SPIDR: variants seen among roughly 807,000 people sequenced by gnomAD.
SPIDR encodes DNA repair-scaffolding protein.
SPIDR carries 93 observed loss-of-function variants against 104.6 expected under a neutral mutation model. That is an observed-to-expected ratio of 0.89 (90% CI 0.75 to 1.06). The LOEUF (loss-of-function observed/expected upper bound fraction) is 1.06. Among genes scored for constraint, SPIDR ranks in the 50% least tolerant of loss-of-function variants. The probability of loss-of-function intolerance (pLI) is 0.00; values close to 1 mark genes in which losing one functional copy is unlikely to be tolerated. For synonymous variants in SPIDR, 431 were observed against 416.9 expected, an observed-to-expected ratio of 1.03 and a Z score of -0.41; for missense variants, 1,154 against 1,111.2, an observed-to-expected ratio of 1.04 and a Z score of -0.55.
chr8:47,633,538 G>C (rs1260906246), intron 10 of SPIDR, among the ~76,000 whole-genome samples: 1 of 136,284 alleles, frequency 7.3e-6, no homozygotes, highest in Non-Finnish European at 1.5e-5. Context: ...TCTTTTTGAA[G>C]ACTAGATATG....
chr8:47,319,113 A>G (rs538136549), intron 5 of SPIDR, among the ~76,000 whole-genome samples: 1 of 152,310 alleles, frequency 6.6e-6, no homozygotes, highest in East Asian at 1.9e-4. Flanking sequence ...TTAAATGTAA[A>G]TGGGCTAAAT....
Position 47,494,032 on chromosome 8 carries a change from A to G in SPIDR, c.1097+53490A>G, listed in dbSNP as rs971469536. Among the ~76,000 whole-genome samples the G allele has an allele frequency of 1.2e-4, 19 of 152,064 alleles. No individual in the cohort carries two copies. The East Asian group carries it at 1.9e-3, about 15-fold the overall frequency. ...CTTTTCTCCTTCCCCTCACCTCCCC[A>G]GGCTGGAATGCAGTGGCACAGTTAT... On this transcript the variant is annotated intron_variant, in intron 8 of 19. Transcript: ENST00000297423.
chr8:47,438,275 TG>T (rs1222122325), intron 7 of SPIDR, among the ~76,000 whole-genome samples: 1 of 152,166 alleles, frequency 6.6e-6, no homozygotes, highest in African/African-American at 2.4e-5. Flanking sequence ...GTTTCAGGCC[TG>T]TGCATTGCTG....
At chr8:47,641,397 T>C (rs540973140) in intron 10 of SPIDR, among the ~76,000 whole-genome samples, 136 of 152,302 alleles carry the variant, frequency 8.9e-4, no homozygotes, top group Non-Finnish European at 9.4e-4. Context: ...TTTTTGAATA[T>C]TTTTTATTTC....
chr8:47,693,741 C>T (rs554554113), intron 11 of SPIDR, among the ~76,000 whole-genome samples: 7 of 152,146 alleles, frequency 4.6e-5, no homozygotes, highest in Non-Finnish European at 1.0e-4. Flanking sequence ...GGGGCAGAGG[C>T]GCCTCAGAGT....
intron 5 of SPIDR, among the ~76,000 whole-genome samples, chr8:47,369,851 C>T (rs2057744883): frequency 6.6e-6 from 1 of 152,122 alleles, no homozygotes; most frequent in Non-Finnish European, 1.5e-5. Context: ...GCTGTTTTCC[C>T]TTATAGTCCT....
intron 8 of SPIDR, among the ~76,000 whole-genome samples, chr8:47,474,319 A>G (rs2076053471): frequency 6.6e-6 from 1 of 152,212 alleles, no homozygotes; most frequent in African/African-American, 2.4e-5. Flanking sequence ...CAGAAGTAGT[A>G]TTTTGAAAAT....
At chr8:47,363,685 T>A (rs190110552) in intron 5 of SPIDR, among the ~76,000 whole-genome samples, 101 of 151,712 alleles carry the variant, frequency 6.7e-4, no homozygotes, top group African/African-American at 1.9e-3. Flanking sequence ...AATGATATTT[T>A]AAAAAAAATA....
At chr8:47,699,992 C>G (rs896936667) in intron 11 of SPIDR, among the ~76,000 whole-genome samples, 4 of 152,220 alleles carry the variant, frequency 2.6e-5, no homozygotes, top group African/African-American at 4.8e-5. Flanking sequence ...AGGCTTCAGT[C>G]TTTTCCTTTG....
At chr8:47,375,233 C>CTTTTTTTTTT (rs869038432) in intron 5 of SPIDR, among the ~76,000 whole-genome samples, 1 of 53,346 alleles carries the variant, frequency 1.9e-5, no homozygotes, top group Non-Finnish European at 3.5e-5. Context: ...AGTTAATAGG[C>CTTTTTTTTTT]TTTTTTTTTT....
At chr8:47,577,661 T>C (rs1262132275) in intron 8 of SPIDR, among the ~76,000 whole-genome samples, 3 of 152,220 alleles carry the variant, frequency 2.0e-5, no homozygotes, top group African/African-American at 4.8e-5. Flanking sequence ...AGCAATCCCT[T>C]GTAGACATCT....
intron 5 of SPIDR, among the ~76,000 whole-genome samples, chr8:47,307,848 G>C (rs1482492071): frequency 6.6e-6 from 1 of 151,918 alleles, no homozygotes; most frequent in Non-Finnish European, 1.5e-5. Flanking sequence ...CTAGTACTTT[G>C]AACAACTTTA....
At chr8:47,634,763 C>T (rs1202074376) in intron 10 of SPIDR, among the ~76,000 whole-genome samples, 1 of 152,192 alleles carries the variant, frequency 6.6e-6, no homozygotes, top group African/African-American at 2.4e-5. Flanking sequence ...AGAGCCTGTA[C>T]CCACACCATC....
intron 8 of SPIDR, among the ~76,000 whole-genome samples, chr8:47,491,818 C>T (rs938666957): frequency 6.6e-6 from 1 of 152,074 alleles, no homozygotes; most frequent in Non-Finnish European, 1.5e-5. Flanking sequence ...CACTCCACTC[C>T]AGCCTGGGCA....
Position 47,715,322 on chromosome 8 carries a change from G to A in SPIDR, c.2341+1681G>A, listed in dbSNP as rs537610156. ...CTCCCAAGTAGCTGGGATTACAGGC[G>A]TGCACCACCATGCCCGGCTAATTTT... On this transcript the variant is annotated intron_variant, in intron 16 of 19. Transcript: ENST00000297423. Among the ~76,000 whole-genome samples, 10 of 151,932 alleles carry A rather than the reference G, an allele frequency of 6.6e-5. No homozygotes were observed. In the South Asian group the frequency reaches 1.3e-3, roughly 19 times the overall value.
chr8:47,504,062 T>C (rs1436359582), intron 8 of SPIDR, among the ~76,000 whole-genome samples: 2 of 152,240 alleles, frequency 1.3e-5, no homozygotes, highest in Non-Finnish European at 2.9e-5. Context: ...CTGGGTGCTG[T>C]TAACGTTTTT....
At chr8:47,515,509 CA>C (rs2082985667) in intron 8 of SPIDR, among the ~76,000 whole-genome samples, 1 of 152,102 alleles carries the variant, frequency 6.6e-6, no homozygotes, top group African/African-American at 2.4e-5. Flanking sequence ...CCACTGTCCC[CA>C]AGGATCCTTG....
At chr8:47,435,887 A>G (rs1327507789) in intron 7 of SPIDR, among the ~76,000 whole-genome samples, 1 of 152,242 alleles carries the variant, frequency 6.6e-6, no homozygotes, top group Non-Finnish European at 1.5e-5. Flanking sequence ...CTTGGCTTGT[A>G]AGGATATTTG....
chr8:47,387,487 G>C (rs986951434), intron 5 of SPIDR, among the ~76,000 whole-genome samples: 23 of 152,160 alleles, frequency 1.5e-4, no homozygotes, highest in African/African-American at 5.3e-4. Context: ...TGGAGAGAAG[G>C]GGGCACATCC....
Sources: gnomAD v4.1 joint callset for allele counts (sites outside exome capture counted in the v4.1 genomes callset) on GRCh38, gnomAD v4.1.1 for gene constraint, MANE v1.5 for transcripts, NCBI Gene and HGNC (gene_info 2026-07-23, HGNC 2026-07-21) for gene names.